Variants in SP6 observed in about 807,000 individuals in gnomAD.
The protein encoded by SP6 is Sp6 transcription factor, also known as transcription factor Sp6.
A neutral mutation model predicts 23.4 loss-of-function variants in SP6; 10 were observed. The ratio of observed to expected loss-of-function variants is 0.43; its 90% CI spans 0.26 to 0.72. The LOEUF (loss-of-function observed/expected upper bound fraction) is 0.72, where lower values mean the gene tolerates loss of function less well. Among genes scored for constraint, SP6 ranks in the 30% least tolerant of loss-of-function variants. The pLI is 0.23. For missense variants in SP6, 482 were observed against 523.8 expected, an observed-to-expected ratio of 0.92 and a Z score of 0.78; for synonymous variants, 238 against 238.7, an observed-to-expected ratio of 1.00 and a Z score of 0.03.
the SP6 span, among the ~76,000 whole-genome samples, chr17:47,868,084 AC>A: frequency 6.6e-6 from 1 of 151,686 alleles, no homozygotes; most frequent in African/African-American, 2.4e-5. Flanking sequence ...GTTCATCCAG[AC>A]CCCAGTGCAG....
chr17:47,861,580 A>G, the SP6 span, among the ~76,000 whole-genome samples: 1 of 152,234 alleles, frequency 6.6e-6, no homozygotes, highest in East Asian at 1.9e-4. Context: ...CAAAAATACA[A>G]AAATTAGCCA....
At chr17:47,874,591 G>A in the SP6 span, among the ~76,000 whole-genome samples, 7 of 152,166 alleles carry the variant, frequency 4.6e-5, no homozygotes, top group Non-Finnish European at 1.0e-4. Flanking sequence ...AGTTAGCCCT[G>A]CTGACCTCTG....
At chr17:47,868,666 C>G in the SP6 span, among the ~76,000 whole-genome samples, 1 of 152,190 alleles carries the variant, frequency 6.6e-6, no homozygotes, top group Non-Finnish European at 1.5e-5. Flanking sequence ...CATCTTCAAG[C>G]CCTCTGCTCT....
rs1598059313 is a variant in SP6 at position 47,848,237 on chromosome 17, G to T, written c.193C>A (p.Gln65Lys). Residue 65 changes from glutamine to lysine, a missense_variant, in exon 2 of 2, where the codon CAG becomes AAG. Physicochemically the swap from Gln to Lys is moderately conservative, Grantham distance 53. Coordinates refer to ENST00000536300, the MANE Select transcript of SP6 (RefSeq NM_001258248.2). This position sits in a 1 kb window ranked among gnomAD's most constrained non-coding sequence, Gnocchi z 5.3. ...LPLGPEVDFS[Q>K]GYELPGASSR... ...GAGGCCCCTGGCAGCTCATAGCCCT[G>T]CGAGAAGTCCACCTCCGGGCCCAGC... The T allele has an allele frequency of 1.9e-6, 3 of 1,612,048 alleles. No individual in the cohort carries two copies. The highest frequency in any genetic ancestry group is 2.5e-6 in the Non-Finnish European group (3 of 1,179,160).
At chr17:47,850,307 T>A (rs1324022397) in intron 1 of SP6, among the ~76,000 whole-genome samples, 1 of 152,116 alleles carries the variant, frequency 6.6e-6, no homozygotes, top group African/African-American at 2.4e-5. Flanking sequence ...TCTCAGGTTC[T>A]AAGACCAGTC....
At chr17:47,872,862 C>A in the SP6 span, among the ~76,000 whole-genome samples, 1 of 152,200 alleles carries the variant, frequency 6.6e-6, no homozygotes, top group Non-Finnish European at 1.5e-5. Context: ...CGGAGCCTCC[C>A]ACAAGGCATC....
At chr17:47,851,223 C>T (rs1795635611), upstream of SP6, 2 of 151,834 alleles carry the variant, frequency 1.3e-5, no homozygotes, top group African/African-American at 4.8e-5. Context: ...GCCCACCTCA[C>T]CTGCGGCCGC....
chr17:47,860,599 C>T (rs1388909235), upstream of SP6, among the ~76,000 whole-genome samples: 5 of 151,778 alleles, frequency 3.3e-5, no homozygotes, highest in Admixed American at 3.3e-4. Context: ...TGCAATGGCC[C>T]ATGCCTGTAA....
chr17:47,849,579 A>T (rs2033934520), intron 1 of SP6, among the ~76,000 whole-genome samples: 1 of 152,204 alleles, frequency 6.6e-6, no homozygotes, highest in Admixed American at 6.5e-5. Flanking sequence ...CTCCAGGCCA[A>T]TCTTCTTATT....
chr17:47,871,984 G>GT, the SP6 span, among the ~76,000 whole-genome samples: 1 of 152,156 alleles, frequency 6.6e-6, no homozygotes, highest in Admixed American at 6.5e-5. Context: ...GGTTTGATTC[G>GT]TTGGGGTGTG....
upstream of SP6, among the ~76,000 whole-genome samples, chr17:47,860,300 T>C (rs1020147309): frequency 1.3e-5 from 2 of 152,206 alleles, no homozygotes; most frequent in African/African-American, 4.8e-5. Flanking sequence ...CCTTCTCCAG[T>C]TTTTCAAGTT....
At chr17:47,866,654 T>A in the SP6 span, among the ~76,000 whole-genome samples, 1 of 151,892 alleles carries the variant, frequency 6.6e-6, no homozygotes, top group Non-Finnish European at 1.5e-5. Context: ...CGCGGCCTGA[T>A]GGGAGATGGA....
At chr17:47,857,922 C>A (rs35781796), upstream of SP6, among the ~76,000 whole-genome samples, 4 of 150,616 alleles carry the variant, frequency 2.7e-5, no homozygotes, top group East Asian at 7.8e-4. Flanking sequence ...CTGGCCCCCA[C>A]ACGAGCCACC....
In SP6 at chr17:47,848,335, T is replaced by C; in HGVS notation, c.95A>G (p.Tyr32Cys). ...PRLDLQPLQT[Y>C]QGHTSPEAGD... ...GGCCTCAGGGCTCGTGTGGCCCTGG[T>C]AAGTTTGGAGAGGCTGCAGGTCGAG... Residue 32 changes from tyrosine (Y) to cysteine (C), a missense_variant, in exon 2 of 2, where the codon TAC becomes TGC. Transcript: ENST00000536300. The surrounding 1 kb of genome is among the most constrained non-coding windows in gnomAD (Gnocchi z 5.3). The C allele has an allele frequency of 6.2e-7, 1 of 1,608,222 alleles. No homozygotes were observed. Among genetic ancestry groups the C allele is most frequent in the East Asian group, 2.2e-5 (1 of 44,650 alleles).
the SP6 span, among the ~76,000 whole-genome samples, chr17:47,873,674 A>G: frequency 4.6e-5 from 7 of 152,164 alleles, no homozygotes; most frequent in East Asian, 9.7e-4. Context: ...GCCATCCCGC[A>G]TTGCTGCCAA....
rs1204221436 is a variant in SP6 at position 47,848,325 on chromosome 17, G to A, written c.105C>T (p.His35=). The A allele has an allele frequency of 3.7e-6, 6 of 1,609,794 alleles. No individual in the cohort carries two copies. Among genetic ancestry groups the A allele is most frequent in the Non-Finnish European group, 5.1e-6 (6 of 1,178,342 alleles). ...GGTAGTCCCCGGCCTCAGGGCTCGT[G>A]TGGCCCTGGTAAGTTTGGAGAGGCT... is the stretch of plus-strand genomic sequence containing the variant. ...DLQPLQTYQG[H]TSPEAGDYPS... Residue 35 remains histidine, a synonymous_variant, in exon 2 of 2, where the codon CAC becomes CAT. Coordinates refer to ENST00000536300, the MANE Select transcript of SP6 (RefSeq NM_001258248.2). The surrounding 1 kb of genome is among the most constrained non-coding windows in gnomAD (Gnocchi z 5.3).
upstream of SP6, among the ~76,000 whole-genome samples, chr17:47,859,670 T>C (rs960163169): frequency 9.2e-5 from 14 of 152,080 alleles, no homozygotes; most frequent in African/African-American, 2.4e-4. Context: ...TCGGGGAACT[T>C]AAAACCCAAA....
rs778878954 is a variant in SP6 at position 47,848,055 on chromosome 17, C to T, written c.375G>A (p.Pro125=). ...AEDGSWWDLH[P]GTSWMDLPHT... is the part of the protein sequence containing the mutation. ...GGGGGAGGTCCATCCAGCTGGTGCC[C>T]GGATGAAGGTCCCACCACGAGCCAT... is the stretch of plus-strand genomic sequence containing the variant. The change falls in exon 2 of 2, where the codon CCG becomes CCA. Residue 125 remains proline, a synonymous_variant. Transcript: ENST00000536300. The surrounding 1 kb of genome is among the most constrained non-coding windows in gnomAD (Gnocchi z 5.3). 1.9e-6 allele frequency: 3 copies of T among 1,612,882 alleles called. No homozygotes were observed. Among genetic ancestry groups the T allele is most frequent in the East Asian group, 4.5e-5 (2 of 44,848 alleles).
the SP6 span, among the ~76,000 whole-genome samples, chr17:47,869,193 G>C: frequency 1.3e-5 from 2 of 152,322 alleles, no homozygotes; most frequent in Admixed American, 6.5e-5. Flanking sequence ...ACAGGGTACT[G>C]CCTCCCCTCC....
Sources: gnomAD v4.1 joint callset for allele counts (sites outside exome capture counted in the v4.1 genomes callset) on GRCh38, gnomAD v4.1.1 for gene constraint, Gnocchi (gnomAD v3.1) non-coding constraint, MANE v1.5 for transcripts, NCBI Gene and HGNC (gene_info 2026-07-23, HGNC 2026-07-21) for gene names.